The following PAFAH1B1 variants were observed in gnomAD, a reference collection of about 807,000 sequenced individuals.
PAFAH1B1 encodes the protein platelet-activating factor acetylhydrolase IB subunit beta.
In PAFAH1B1, 2 loss-of-function variants were observed where a neutral mutation model predicts 57.5. The ratio of observed to expected loss-of-function variants is 0.03; its 90% CI spans 0.01 to 0.11. The LOEUF is 0.11. Ranked by LOEUF, PAFAH1B1 falls within the 10% of genes least tolerant of loss-of-function variation. PAFAH1B1 has a pLI of 1.00. For missense variants in PAFAH1B1, 257 were observed against 512.0 expected (o/e 0.50, Z 4.81); for synonymous variants, 152 against 169.6 (o/e 0.90, Z 0.81).
chr17:2,596,235 A>T (rs2068083236), intron 1 of PAFAH1B1, among the ~76,000 whole-genome samples: 2 of 152,154 alleles, frequency 1.3e-5, no homozygotes, highest in Non-Finnish European at 1.5e-5. Flanking sequence ...CACTCTTGTT[A>T]ATGTTTTTTA....
At chr17:2,603,643 A>G (rs943319517) in intron 1 of PAFAH1B1, among the ~76,000 whole-genome samples, 1 of 152,090 alleles carries the variant, frequency 6.6e-6, no homozygotes, top group Non-Finnish European at 1.5e-5. Context: ...AAAAGTATGT[A>G]TATATGTATA....
At chr17:2,604,016 G>A (rs1051169607) in intron 1 of PAFAH1B1, among the ~76,000 whole-genome samples, 2 of 151,964 alleles carry the variant, frequency 1.3e-5, no homozygotes, top group Admixed American at 1.3e-4. Flanking sequence ...GATTACAGGC[G>A]TGAGCCATCG....
intron 2 of PAFAH1B1, chr17:2,640,576 C>G (rs1008263552): frequency 2.7e-5 from 4 of 150,874 alleles, no homozygotes; most frequent in African/African-American, 9.8e-5. Context: ...CTCAGCCTCT[C>G]GAGTAGCTGG....
intron 1 of PAFAH1B1, among the ~76,000 whole-genome samples, chr17:2,636,232 C>A (rs941561028): frequency 4.6e-5 from 7 of 152,110 alleles, no homozygotes; most frequent in African/African-American, 1.7e-4. Context: ...CTTACTGATT[C>A]CAACCATATT....
At chr17:2,673,910 TTTAA>T in intron 7 of PAFAH1B1, 146 bp from the exon 8 acceptor site, 2 of 642,536 alleles carry the variant, frequency 3.1e-6, no homozygotes, top group South Asian at 1.9e-5. Context: ...TTGTTCCTAC[TTTAA>T]TTAACCAGGA....
At chr17:2,593,644 C>T, upstream of PAFAH1B1, 2 of 255,164 alleles carry the variant, frequency 7.8e-6, no homozygotes, top group Non-Finnish European at 1.4e-5. Flanking sequence ...GTTGGGGCAG[C>T]TCCTGTGACA....
chr17:2,631,891 T>G (rs2068560225), intron 1 of PAFAH1B1, among the ~76,000 whole-genome samples: 1 of 152,168 alleles, frequency 6.6e-6, no homozygotes, highest in Non-Finnish European at 1.5e-5. Context: ...CCTTCTGATT[T>G]TTTAAAAAAT....
intron 6 of PAFAH1B1, 60 bp downstream of exon 6, chr17:2,670,391 A>G: frequency 7.0e-7 from 1 of 1,423,862 alleles, no homozygotes; most frequent in South Asian, 1.1e-5. Flanking sequence ...CAGAAGGAAT[A>G]TTGTTTCTAA....
chr17:2,626,215 C>T (rs2068487084), intron 1 of PAFAH1B1, among the ~76,000 whole-genome samples: 1 of 151,700 alleles, frequency 6.6e-6, no homozygotes, highest in Non-Finnish European at 1.5e-5. Context: ...GATCACGCCA[C>T]TGCACTCCAG....
Position 2,593,925 on chromosome 17 carries a change from CCCCTCT to C in PAFAH1B1, c.-266_-261del. ...TTCCCTCCCTCCCTCCTTCCTCCCT[CCCCTCT>C]CCCTCCCCCTCCCCCGCCGGTGGAT... On this transcript the variant is annotated 5_prime_UTR_variant, in exon 1 of 11. Coordinates refer to ENST00000397195, the MANE Select transcript of PAFAH1B1 (RefSeq NM_000430.4). 1 of 368,248 alleles carries C rather than the reference CCCCTCT, an allele frequency of 2.7e-6. No individual in the cohort carries two copies. The allele number at this position is 368,248 out of a possible 1,614,324, so 22.8% of individuals were successfully genotyped here.
chr17:2,645,702 C>T (rs2068759658), intron 2 of PAFAH1B1, among the ~76,000 whole-genome samples: 1 of 151,164 alleles, frequency 6.6e-6, no homozygotes, highest in Admixed American at 6.6e-5. Context: ...CAACCTCCAC[C>T]TCTTGGGTTC....
chr17:2,594,100 G>C, intron 1 of PAFAH1B1, 94 bp downstream of exon 1: 1 of 393,850 alleles, frequency 2.5e-6, no homozygotes, highest in Non-Finnish European at 4.5e-6. Context: ...ATGTGGCTGC[G>C]CCGGTCCCCT....
chr17:2,682,063 A>G lies in PAFAH1B1; in HGVS notation c.*261A>G, dbSNP rs905434164. 4 of 392,420 alleles carry G rather than the reference A, an allele frequency of 1.0e-5. No homozygotes were observed. Among genetic ancestry groups the G allele is most frequent in the African/African-American group, 6.2e-5 (3 of 48,748 alleles). The allele number at this position is 392,420 out of a possible 1,614,324, so 24.3% of individuals were successfully genotyped here. The stretch of plus-strand genomic sequence containing the variant: ...TGGCATTGGTCACACCAGGCCTAAG[A>G]AGGCAGAAGTTGAATCAATTGAACT... On this transcript the variant is annotated 3_prime_UTR_variant, in exon 11 of 11. Transcript: ENST00000397195.
chr17:2,629,443 C>T (rs1259737139), intron 1 of PAFAH1B1, among the ~76,000 whole-genome samples: 1 of 152,038 alleles, frequency 6.6e-6, no homozygotes. Flanking sequence ...TTTATTCCAT[C>T]GTGGTCTGAG....
At chr17:2,610,784 C>A (rs1231816440) in intron 1 of PAFAH1B1, among the ~76,000 whole-genome samples, 1 of 152,160 alleles carries the variant, frequency 6.6e-6, no homozygotes, top group Non-Finnish European at 1.5e-5. Flanking sequence ...TTATTATTAT[C>A]CTCTTCAACA....
intron 6 of PAFAH1B1, among the ~76,000 whole-genome samples, chr17:2,670,998 C>T (rs909948206): frequency 3.9e-5 from 6 of 152,128 alleles, no homozygotes; most frequent in Non-Finnish European, 7.4e-5. Context: ...AGGAGATGCT[C>T]ATTACTTAGG....
At chr17:2,678,258 A>C (rs1037315859) in intron 9 of PAFAH1B1, among the ~76,000 whole-genome samples, 1 of 151,898 alleles carries the variant, frequency 6.6e-6, no homozygotes, top group Admixed American at 6.6e-5. Flanking sequence ...AAAATTAGCC[A>C]GGCATGGTGG....
chr17:2,645,596 AAT>A (rs549627568), intron 2 of PAFAH1B1, among the ~76,000 whole-genome samples: 2 of 146,562 alleles, frequency 1.4e-5, no homozygotes, highest in East Asian at 4.0e-4. Context: ...CTGTCTCAAA[AAT>A]ATATATATTT....
At chr17:2,656,397 C>T (rs564863099) in intron 2 of PAFAH1B1, among the ~76,000 whole-genome samples, 60 of 151,988 alleles carry the variant, frequency 3.9e-4, no homozygotes, top group African/African-American at 1.4e-3. Flanking sequence ...ATGCAGTGAG[C>T]CATGATTGTG....
Sources: gnomAD v4.1 joint callset for allele counts (sites outside exome capture counted in the v4.1 genomes callset) on GRCh38, gnomAD v4.1.1 for gene constraint, MANE v1.5 for transcripts, NCBI Gene and HGNC (gene_info 2026-07-23, HGNC 2026-07-21) for gene names.